HACD2: variants seen among roughly 807,000 people sequenced by gnomAD.
HACD2 encodes 3-hydroxyacyl-CoA dehydratase 2.
In HACD2, 15 loss-of-function variants were observed where a neutral mutation model predicts 31.0. The ratio of observed to expected loss-of-function variants is 0.48; its 90% CI spans 0.32 to 0.75. HACD2 has a LOEUF of 0.75. HACD2 is among the 30% of genes least tolerant of loss of function. The pLI is 0.03. For missense variants in HACD2, 283 were observed against 313.0 expected (o/e 0.90, Z 0.72); for synonymous variants, 115 against 122.2 (o/e 0.94, Z 0.39).
intron 4 of HACD2, among the ~76,000 whole-genome samples, chr3:123,518,606 G>T (rs1234117895): frequency 6.6e-6 from 1 of 152,114 alleles, no homozygotes; most frequent in East Asian, 1.9e-4. Flanking sequence ...AATGACCTTG[G>T]CCAAAGATTC....
chr3:123,535,752 T>C (rs2605403), intron 3 of HACD2, among the ~76,000 whole-genome samples: 148,061 of 152,330 alleles, frequency 0.97, 72,124 homozygotes, highest in East Asian at 1. Context: ...GAGACTGATA[T>C]AAAATTCTCT....
At chr3:123,568,948 C>G (rs544394186) in intron 2 of HACD2, among the ~76,000 whole-genome samples, 1 of 152,132 alleles carries the variant, frequency 6.6e-6, no homozygotes, top group East Asian at 1.9e-4. Flanking sequence ...GGTTTTATTT[C>G]TATTCTATCA....
At chr3:123,556,672 G>A (rs74492229) in intron 3 of HACD2, among the ~76,000 whole-genome samples, 10 of 152,102 alleles carry the variant, frequency 6.6e-5, no homozygotes, top group African/African-American at 2.4e-4. Context: ...AGAATCAAAA[G>A]ACAAGCCCCA....
chr3:123,549,137 T>C (rs139445469), intron 3 of HACD2, among the ~76,000 whole-genome samples: 14 of 151,954 alleles, frequency 9.2e-5, no homozygotes, highest in Non-Finnish European at 2.1e-4. Context: ...ACAAGGAGTA[T>C]ATTAAGGTTA....
chr3:123,554,713 C>A (rs1257314710), intron 3 of HACD2, among the ~76,000 whole-genome samples: 2 of 151,970 alleles, frequency 1.3e-5, no homozygotes, highest in African/African-American at 4.8e-5. Flanking sequence ...CAACTCTATG[C>A]TAATATTAAA....
At position 123,503,716 on chromosome 3, in the gene HACD2, A is replaced by C. The variant is rs1271196236; in HGVS notation, c.382-1035T>G. ...TATTAGTTTCCATGCATCAAAAAAA[A>C]AAAAAAAAAAGACCGTCCAAGAGTG... On this transcript the variant is annotated intron_variant, in intron 4 of 6. Coordinates refer to ENST00000383657, the MANE Select transcript of HACD2 (RefSeq NM_198402.5). Among the ~76,000 whole-genome samples the C allele has an allele frequency of 2.8e-3, 422 of 151,832 alleles. 2 individuals are homozygous for C. The highest frequency in any genetic ancestry group is 9.7e-3 in the African/African-American group (400 of 41,370).
At chr3:123,508,965 C>T (rs1409031766) in intron 4 of HACD2, among the ~76,000 whole-genome samples, 1 of 152,130 alleles carries the variant, frequency 6.6e-6, no homozygotes, top group African/African-American at 2.4e-5. Context: ...CTAATCCCAT[C>T]GTGAGGGCTC....
chr3:123,542,399 G>A (rs2056504416), intron 3 of HACD2, among the ~76,000 whole-genome samples: 1 of 152,144 alleles, frequency 6.6e-6, no homozygotes, highest in Non-Finnish European at 1.5e-5. Flanking sequence ...ATACCCAAAT[G>A]CTGGTACTAT....
intron 3 of HACD2, among the ~76,000 whole-genome samples, chr3:123,558,492 T>C (rs969584826): frequency 2.6e-5 from 4 of 152,188 alleles, no homozygotes; most frequent in East Asian, 3.8e-4. Flanking sequence ...TGGGAGACTA[T>C]GCATGCGTGG....
intron 3 of HACD2, among the ~76,000 whole-genome samples, chr3:123,557,455 T>C (rs945702461): frequency 1.3e-5 from 2 of 152,092 alleles, no homozygotes. Context: ...TTGAGAAAGA[T>C]AGCAAGATCC....
chr3:123,496,498 C>G (rs1237045323), intron 6 of HACD2, among the ~76,000 whole-genome samples: 2 of 152,198 alleles, frequency 1.3e-5, no homozygotes, highest in African/African-American at 4.8e-5. Flanking sequence ...ATCTGCTAAC[C>G]TGCAGAGGAG....
At chr3:123,555,249 A>G (rs1398247689) in intron 3 of HACD2, among the ~76,000 whole-genome samples, 2 of 152,208 alleles carry the variant, frequency 1.3e-5, no homozygotes, top group Non-Finnish European at 2.9e-5. Context: ...GTAAGACAAG[A>G]AAAAGAAATA....
intron 4 of HACD2, among the ~76,000 whole-genome samples, chr3:123,527,445 G>A (rs758575141): frequency 1.1e-4 from 17 of 152,164 alleles, no homozygotes; most frequent in Non-Finnish European, 1.8e-4. Context: ...CCTTTGTCCA[G>A]TGTATCCATA....
chr3:123,511,191 G>C (rs1156805531), intron 4 of HACD2, among the ~76,000 whole-genome samples: 1 of 151,892 alleles, frequency 6.6e-6, no homozygotes, highest in Non-Finnish European at 1.5e-5. Flanking sequence ...TTGTTACTGA[G>C]CTCTTACTAT....
chr3:123,573,078 G>C (rs550220221), intron 2 of HACD2, among the ~76,000 whole-genome samples: 1 of 152,176 alleles, frequency 6.6e-6, no homozygotes, highest in African/African-American at 2.4e-5. Flanking sequence ...ACATGTCCAC[G>C]ACACTTGTTT....
intron 3 of HACD2, among the ~76,000 whole-genome samples, chr3:123,555,563 A>T (rs942774594): frequency 6.6e-6 from 1 of 152,228 alleles, no homozygotes; most frequent in Non-Finnish European, 1.5e-5. Context: ...ACTGCAAAAC[A>T]ATGATAAAAG....
intron 4 of HACD2, among the ~76,000 whole-genome samples, chr3:123,505,869 G>A (rs1470574527): frequency 6.6e-6 from 1 of 152,230 alleles, no homozygotes; most frequent in Non-Finnish European, 1.5e-5. Context: ...TTCAACCTAA[G>A]AAAAACTGAG....
intron 1 of HACD2, chr3:123,584,614 C>T: frequency 3.1e-6 from 1 of 320,150 alleles, no homozygotes; most frequent in Non-Finnish European, 5.7e-6. Flanking sequence ...CCTCGCGAGC[C>T]AGCGCCCGGC....
At chr3:123,573,247 G>A (rs1482457645) in intron 2 of HACD2, among the ~76,000 whole-genome samples, 1 of 152,114 alleles carries the variant, frequency 6.6e-6, no homozygotes, top group Non-Finnish European at 1.5e-5. Flanking sequence ...TGTTAACAGT[G>A]GTTATCTTTA....
Sources: gnomAD v4.1 joint callset for allele counts (sites outside exome capture counted in the v4.1 genomes callset) on GRCh38, gnomAD v4.1.1 for gene constraint, MANE v1.5 for transcripts, NCBI Gene and HGNC (gene_info 2026-07-23, HGNC 2026-07-21) for gene names.